Variants in PPP6R3 observed in about 807,000 individuals in gnomAD.
PPP6R3 encodes protein phosphatase 6 regulatory subunit 3, also known as serine/threonine-protein phosphatase 6 regulatory subunit 3.
PPP6R3 carries 38 observed loss-of-function variants against 110.7 expected under a neutral mutation model. That is an observed-to-expected ratio of 0.34 (90% CI 0.26 to 0.45). The LOEUF is 0.45. PPP6R3 is among the 20% of genes least tolerant of loss of function. The pLI is 1.00. For missense variants in PPP6R3, 870 were observed against 1,062.4 expected (o/e 0.82, Z 2.52); for synonymous variants, 369 against 373.5 (o/e 0.99, Z 0.14).
intron 1 of PPP6R3, among the ~76,000 whole-genome samples, chr11:68,492,364 G>T (rs2098989474): frequency 6.6e-6 from 1 of 152,134 alleles, no homozygotes; most frequent in African/African-American, 2.4e-5. Context: ...TGTTGCCCAG[G>T]CTGGTCTTGC....
At chr11:68,464,844 C>T (rs1368106722) in intron 1 of PPP6R3, among the ~76,000 whole-genome samples, 5 of 151,050 alleles carry the variant, frequency 3.3e-5, no homozygotes, top group Non-Finnish European at 7.4e-5. Context: ...CTCCTTTTGT[C>T]AGTCAGTGGT....
At chr11:68,587,176 AC>A (rs762075911) in intron 15 of PPP6R3, 11,931 of 68,032 alleles carry the variant, frequency 0.18, 496 homozygotes, top group Middle Eastern at 0.3. Context: ...CCATTATAAC[AC>A]CCCCCCCCCC....
At chr11:68,569,964 G>T in intron 11 of PPP6R3, 67 bp downstream of exon 11, 3 of 1,446,342 alleles carry the variant, frequency 2.1e-6, no homozygotes, top group Non-Finnish European at 2.8e-6. Context: ...ACTTGACTGT[G>T]ATGTGAATTG....
At chr11:68,606,319 C>A (rs954325321) in intron 22 of PPP6R3, among the ~76,000 whole-genome samples, 1 of 151,738 alleles carries the variant, frequency 6.6e-6, no homozygotes, top group East Asian at 1.9e-4. Context: ...CTTCTTTCTT[C>A]TTCTTTCTTC....
At chr11:68,472,844 G>A (rs1024774715) in intron 1 of PPP6R3, among the ~76,000 whole-genome samples, 1 of 152,046 alleles carries the variant, frequency 6.6e-6, no homozygotes, top group African/African-American at 2.4e-5. Flanking sequence ...TACAATAGGT[G>A]GTCTTTTGGG....
At chr11:68,466,041 A>G (rs2098742707) in intron 1 of PPP6R3, among the ~76,000 whole-genome samples, 1 of 151,978 alleles carries the variant, frequency 6.6e-6, no homozygotes, top group Admixed American at 6.6e-5. Context: ...TCAGACACTG[A>G]CTCTCTGGTT....
chr11:68,517,796 G>A (rs566880699), intron 1 of PPP6R3, among the ~76,000 whole-genome samples: 28 of 152,214 alleles, frequency 1.8e-4, no homozygotes, highest in South Asian at 6.2e-4. Context: ...AAATTAAGCA[G>A]GCATGTTGGC....
intron 14 of PPP6R3, among the ~76,000 whole-genome samples, chr11:68,580,746 CTTTTTTTTTTTTTTTTTTTTT>C (rs71043441): frequency 4.6e-4 from 31 of 67,526 alleles, no homozygotes; most frequent in African/African-American, 1.2e-3. Flanking sequence ...GGTAAATAAT[CTTTTTTTTTTTTTTTTTTTTT>C]TTTTTTTTTT....
At chr11:68,471,305 AAGAAAT>A (rs1361390006) in intron 1 of PPP6R3, among the ~76,000 whole-genome samples, 1 of 151,686 alleles carries the variant, frequency 6.6e-6, no homozygotes, top group African/African-American at 2.4e-5. Flanking sequence ...AAAAAAGAAA[AAGAAAT>A]AGGAGTCTTC....
At chr11:68,499,656 C>A (rs1005028850) in intron 1 of PPP6R3, among the ~76,000 whole-genome samples, 2 of 152,102 alleles carry the variant, frequency 1.3e-5, no homozygotes, top group Admixed American at 6.5e-5. Context: ...GCAGCCTTGA[C>A]CTTCCTGGCT....
intron 1 of PPP6R3, among the ~76,000 whole-genome samples, chr11:68,477,741 A>AAAAAAAAAT: frequency 2.4e-3 from 139 of 57,890 alleles, no homozygotes; most frequent in Non-Finnish European, 4.2e-3. Context: ...AAAAAAAAAA[A>AAAAAAAAAT]ATATATATAT....
intron 1 of PPP6R3, among the ~76,000 whole-genome samples, chr11:68,461,881 G>T (rs1338873065): frequency 6.6e-6 from 1 of 152,154 alleles, no homozygotes; most frequent in East Asian, 1.9e-4. Flanking sequence ...AAGGGGGACA[G>T]GGACTCCAGG....
chr11:68,563,436 C>T (rs1484967942), intron 8 of PPP6R3, among the ~76,000 whole-genome samples: 1 of 152,152 alleles, frequency 6.6e-6, no homozygotes. Flanking sequence ...GCATTTAAGG[C>T]CCCCCTGGGT....
intron 3 of PPP6R3, among the ~76,000 whole-genome samples, chr11:68,541,960 C>G (rs1044942655): frequency 6.6e-6 from 1 of 152,040 alleles, no homozygotes. Context: ...AGAGACAACT[C>G]TTTGAAGTGA....
chr11:68,559,055 C>A (rs527279744), intron 8 of PPP6R3, among the ~76,000 whole-genome samples: 1 of 152,210 alleles, frequency 6.6e-6, no homozygotes, highest in South Asian at 2.1e-4. Flanking sequence ...GGGTAGCTCT[C>A]CTGGCCATTC....
chr11:68,491,379 TTTGAGACAGA>T, intron 1 of PPP6R3, among the ~76,000 whole-genome samples: 1 of 125,464 alleles, frequency 8.0e-6, no homozygotes, highest in South Asian at 2.6e-4. Flanking sequence ...TGTGTGTGTG[TTTGAGACAGA>T]GTCTTGCTCT....
intron 5 of PPP6R3, 61 bp from the exon 6 acceptor site, chr11:68,551,060 A>G: frequency 8.7e-7 from 1 of 1,150,430 alleles, no homozygotes; most frequent in Admixed American, 1.9e-5. Context: ...ATGTTAATCT[A>G]CATTGGGGCT....
At chr11:68,534,123 C>T (rs992936638) in intron 2 of PPP6R3, among the ~76,000 whole-genome samples, 10 of 152,160 alleles carry the variant, frequency 6.6e-5, no homozygotes, top group African/African-American at 2.2e-4. Flanking sequence ...CACACCTACA[C>T]GGTGAGTGCC....
chr11:68,546,740 C>T (rs1275183417), intron 4 of PPP6R3, among the ~76,000 whole-genome samples: 1 of 152,186 alleles, frequency 6.6e-6, no homozygotes, highest in African/African-American at 2.4e-5. Flanking sequence ...ATCTTCAGTG[C>T]TGCATGAGTC....
Sources: allele counts gnomAD v4.1 joint callset (sites outside exome capture counted in the v4.1 genomes callset), GRCh38; gene constraint gnomAD v4.1.1; transcripts MANE v1.5; gene names NCBI Gene and HGNC (gene_info 2026-07-23, HGNC 2026-07-21).